The following MPHOSPH8 variants were observed in gnomAD, a reference collection of about 807,000 sequenced individuals.
MPHOSPH8 encodes the protein M-phase phosphoprotein, mpp.
Under a neutral mutation model 87.3 loss-of-function variants are expected in MPHOSPH8, and 45 were observed. The observed-to-expected ratio is 0.52, with a 90% CI of 0.41 to 0.66. The LOEUF (loss-of-function observed/expected upper bound fraction) is 0.66, where lower values mean the gene tolerates loss of function less well. Ranked by LOEUF, MPHOSPH8 falls within the 30% of genes least tolerant of loss-of-function variation. MPHOSPH8 has a pLI of 0.00. For missense variants in MPHOSPH8, 883 were observed against 1,020.2 expected (o/e 0.87, Z 1.83); for synonymous variants, 366 against 376.9 (o/e 0.97, Z 0.33).
At chr13:19,642,758 A>G (rs1170245314) in intron 2 of MPHOSPH8, among the ~76,000 whole-genome samples, 1 of 151,900 alleles carries the variant, frequency 6.6e-6, no homozygotes, top group Non-Finnish European at 1.5e-5. Context: ...TCATGATTTT[A>G]TAGGCTGAAC....
intron 1 of MPHOSPH8, 31 bp downstream of exon 1, chr13:19,633,992 G>A (rs768483472): frequency 5.7e-6 from 9 of 1,588,422 alleles, no homozygotes; most frequent in Non-Finnish European, 6.8e-6. Flanking sequence ...GCGGGGCTGG[G>A]CGGGGAGCTC....
At chr13:19,667,354 A>G (rs1226209598) in intron 10 of MPHOSPH8, among the ~76,000 whole-genome samples, 1 of 152,080 alleles carries the variant, frequency 6.6e-6, no homozygotes, top group Non-Finnish European at 1.5e-5. Flanking sequence ...TGGGGAACCT[A>G]CAGGGACATG....
chr13:19,656,829 A>C (rs187469352), intron 5 of MPHOSPH8, among the ~76,000 whole-genome samples: 1 of 151,356 alleles, frequency 6.6e-6, no homozygotes. Context: ...ATTGCTTAGA[A>C]TATTGTTCAT....
At chr13:19,648,157 T>C (rs1874664888) in intron 3 of MPHOSPH8, among the ~76,000 whole-genome samples, 1 of 137,516 alleles carries the variant, frequency 7.3e-6, no homozygotes. Flanking sequence ...TATAATTTTC[T>C]TTTTTTTTTT....
chr13:19,655,160 G>A (rs571853263), intron 5 of MPHOSPH8, among the ~76,000 whole-genome samples: 2 of 152,090 alleles, frequency 1.3e-5, no homozygotes, highest in Admixed American at 6.5e-5. Flanking sequence ...GAGCTTTCTC[G>A]ATTGATAAAG....
intron 2 of MPHOSPH8, among the ~76,000 whole-genome samples, chr13:19,645,894 T>TC (rs1359730809): frequency 6.6e-6 from 1 of 152,228 alleles, no homozygotes; most frequent in African/African-American, 2.4e-5. Context: ...TTTCTTTTTT[T>TC]CAATTTTAAA....
chr13:19,669,232 C>T (rs1875986523), intron 11 of MPHOSPH8, among the ~76,000 whole-genome samples: 1 of 152,134 alleles, frequency 6.6e-6, no homozygotes, highest in South Asian at 2.1e-4. Flanking sequence ...ACCCAGGCTG[C>T]AGTGCATGGC....
rs755828085 is a variant in MPHOSPH8, at chr13:19,633,840, T to A, written c.92T>A (p.Val31Asp). The change falls in exon 1 of 14, where the codon GTT (valine) becomes GAT (aspartate). Residue 31 changes from valine (V) to aspartate (D), a missense_variant. Coordinates refer to ENST00000361479, the MANE Select transcript of MPHOSPH8 (RefSeq NM_017520.4). Reference protein sequence around the residue: ...TEELAEVEEGVGVVGEDNDAA... With the variant: ...TEELAEVEEGDGVVGEDNDAA... ...GAGTTGGCCGAAGTCGAAGAAGGAG[T>A]TGGAGTAGTGGGCGAAGATAATGAC... 4 of 1,610,134 alleles carry A rather than the reference T, an allele frequency of 2.5e-6. No homozygotes were observed. In the South Asian group the frequency reaches 4.4e-5, roughly 18 times the overall value.
intron 1 of MPHOSPH8, among the ~76,000 whole-genome samples, chr13:19,639,200 C>A (rs9550559): frequency 0.66 from 99,531 of 151,884 alleles, 36,218 homozygotes; most frequent in East Asian, 0.9. Flanking sequence ...TTTGGCTAGT[C>A]ACCCATCTGG....
At position 19,670,066 on chromosome 13, in the gene MPHOSPH8, C is replaced by T. The variant is rs547277701; in HGVS notation, c.2330-170C>T. ...AAAGAGTTCTGTGGTTGAAAAATGC[C>T]AGGTGACACGAGCTTTGAGAGGGCC... On this transcript the variant is annotated intron_variant, in intron 11 of 13. Transcript: ENST00000361479. Among the ~76,000 whole-genome samples, 5 of 152,280 alleles carry T rather than the reference C, an allele frequency of 3.3e-5. No individual in the cohort carries two copies. In the South Asian group the frequency reaches 8.3e-4, roughly 25 times the overall value.
intron 5 of MPHOSPH8, among the ~76,000 whole-genome samples, chr13:19,657,179 G>A (rs1875236247): frequency 1.4e-5 from 2 of 145,046 alleles, no homozygotes; most frequent in African/African-American, 5.1e-5. Context: ...TTTCTTGATT[G>A]CTTGAAAGTT....
chr13:19,648,570 C>A, intron 4 of MPHOSPH8, 49 bp downstream of exon 4: 1 of 851,456 alleles, frequency 1.2e-6, no homozygotes, highest in Non-Finnish European at 1.6e-6. Flanking sequence ...ATCTTTTATA[C>A]AAATAACCAG....
chr13:19,670,889 AGCTCACTGG>A (rs1378373971), intron 12 of MPHOSPH8: 1 of 1,020,056 alleles, frequency 9.8e-7, no homozygotes, highest in African/African-American at 1.6e-5. Flanking sequence ...CGCGGATTAC[AGCTCACTGG>A]AGTCTTGACT....
chr13:19,636,745 G>C (rs1178733336), intron 1 of MPHOSPH8, among the ~76,000 whole-genome samples: 6 of 151,888 alleles, frequency 4.0e-5, no homozygotes, highest in South Asian at 2.1e-4. Flanking sequence ...CAAAGTGCTG[G>C]GATTTACAGG....
At chr13:19,671,176 ACT>A (rs1489688392) in intron 12 of MPHOSPH8, 28 bp from the exon 13 acceptor site, 19 of 1,607,452 alleles carry the variant, frequency 1.2e-5, no homozygotes, top group Non-Finnish European at 1.6e-5. Flanking sequence ...GTTTGAAAAC[ACT>A]GACTTTTTTT....
intron 5 of MPHOSPH8, among the ~76,000 whole-genome samples, chr13:19,651,196 G>A (rs1288678437): frequency 6.6e-6 from 1 of 152,216 alleles, no homozygotes; most frequent in African/African-American, 2.4e-5. Context: ...AGATTTAAAA[G>A]ATGAAAGAAT....
intron 7 of MPHOSPH8, 101 bp from the exon 8 acceptor site, chr13:19,661,597 T>C: frequency 7.9e-7 from 1 of 1,267,934 alleles, no homozygotes; most frequent in Middle Eastern, 2.0e-4. Flanking sequence ...AATCAGTGCC[T>C]ATTAGTGATT....
intron 12 of MPHOSPH8, chr13:19,670,790 T>G: frequency 1.6e-6 from 2 of 1,222,000 alleles, no homozygotes; most frequent in Non-Finnish European, 1.0e-6. Context: ...CATTTGTATA[T>G]TTTTAATAAA....
intron 1 of MPHOSPH8, among the ~76,000 whole-genome samples, chr13:19,635,248 G>A (rs1873943345): frequency 6.6e-6 from 1 of 152,154 alleles, no homozygotes; most frequent in Non-Finnish European, 1.5e-5. Context: ...AGGGCCGGGC[G>A]CAGTGGCTTA....
Sources: gnomAD v4.1 joint callset for allele counts (sites outside exome capture counted in the v4.1 genomes callset) on GRCh38, gnomAD v4.1.1 for gene constraint, MANE v1.5 for transcripts, NCBI Gene and HGNC (gene_info 2026-07-23, HGNC 2026-07-21) for gene names.